SESN2: variants seen among roughly 807,000 people sequenced by gnomAD.
SESN2 encodes the protein sestrin 2, also known as sestrin-2.
Under a neutral mutation model 56.0 loss-of-function variants are expected in SESN2, and 42 were observed. The observed-to-expected ratio is 0.75, with a 90% CI of 0.59 to 0.97. SESN2 has a LOEUF of 0.97. SESN2 is among the 50% of genes least tolerant of loss of function. The probability of loss-of-function intolerance (pLI) is 0.00; values close to 1 mark genes in which losing one functional copy is unlikely to be tolerated. For missense variants in SESN2, 507 were observed against 649.4 expected (o/e 0.78, Z 2.38); for synonymous variants, 264 against 267.1 (o/e 0.99, Z 0.11).
intron 1 of SESN2, among the ~76,000 whole-genome samples, chr1:28,262,593 G>T (rs1306424278): frequency 3.6e-5 from 5 of 138,266 alleles, no homozygotes; most frequent in Non-Finnish European, 6.1e-5. Context: ...CTGCACTCCA[G>T]CCTGGGTGAC....
chr1:28,272,503 C>G (rs1347152687), intron 4 of SESN2, 37 bp downstream of exon 4: 3 of 1,609,444 alleles, frequency 1.9e-6, no homozygotes, highest in Middle Eastern at 1.6e-4. Context: ...TGAGGGAGCA[C>G]AGAGGCCTGG....
chr1:28,271,612 T>G, intron 2 of SESN2, 62 bp from the exon 3 acceptor site: 1 of 1,314,622 alleles, frequency 7.6e-7, no homozygotes, highest in Non-Finnish European at 1.1e-6. Context: ...GAAGAATACA[T>G]TGGTCTCTTT....
At chr1:28,260,523 C>T (rs1335011668) in intron 1 of SESN2, among the ~76,000 whole-genome samples, 1 of 152,006 alleles carries the variant, frequency 6.6e-6, no homozygotes, top group Non-Finnish European at 1.5e-5. Context: ...GCTCTGGGGG[C>T]TTGGCGGGCC....
intron 8 of SESN2, among the ~76,000 whole-genome samples, chr1:28,275,891 C>CA (rs1392727256): frequency 6.6e-6 from 1 of 151,990 alleles, no homozygotes; most frequent in Non-Finnish European, 1.5e-5. Context: ...CCCATCTCTA[C>CA]AAAAAATTAA....
Position 28,259,918 on chromosome 1 carries a change from G to A in SESN2, c.71G>A (p.Gly24Asp). 1 of 1,481,024 alleles carries A rather than the reference G, an allele frequency of 6.8e-7. No homozygotes were observed. Among genetic ancestry groups the A allele is most frequent in the Non-Finnish European group, 8.9e-7 (1 of 1,121,358 alleles). 91.7% of individuals were successfully genotyped at this position (1,481,024 alleles called of 1,614,324 possible). Residue 24 changes from glycine to aspartate, a missense_variant, in exon 1 of 10, where the codon GGC (glycine) becomes GAC (aspartate). Coordinates refer to ENST00000253063, the MANE Select transcript of SESN2 (RefSeq NM_031459.5). Reference protein sequence around the residue: ...DYLRFAPGGVGDSGPGEEQRE... With the variant: ...DYLRFAPGGVDDSGPGEEQRE... ...CTGCGGTTCGCCCCGGGCGGCGTCG[G>A]CGACTCGGGCCCCGGAGAGGTAAGC...
intron 1 of SESN2, among the ~76,000 whole-genome samples, chr1:28,261,802 A>G (rs1188193512): frequency 1.6e-5 from 2 of 128,766 alleles, no homozygotes; most frequent in African/African-American, 3.2e-5. Flanking sequence ...TTTTTTTGAG[A>G]TGGAGTCTTG....
At position 28,274,824 on chromosome 1, in the gene SESN2, G is replaced by A; in HGVS notation, c.1021-1G>A. On this transcript the variant is annotated splice_acceptor_variant, in intron 7 of 9. Coordinates refer to ENST00000253063, the MANE Select transcript of SESN2 (RefSeq NM_031459.5). LOFTEE classifies it high-confidence loss of function. ...CACCAATCCCTTCCCACCTACCTAAGGATTATACCTGGGAAGACCATGGCT... is the reference window on the plus strand; with the variant it reads ...CACCAATCCCTTCCCACCTACCTAAAGATTATACCTGGGAAGACCATGGCT... 1 of 1,610,404 alleles carries A rather than the reference G, an allele frequency of 6.2e-7. No individual in the cohort carries two copies. The highest frequency in any genetic ancestry group is 8.5e-7 in the Non-Finnish European group (1 of 1,177,452).
chr1:28,279,292 G>A (rs1359836427), intron 9 of SESN2, 51 bp downstream of exon 9: 4 of 1,605,664 alleles, frequency 2.5e-6, no homozygotes, highest in Admixed American at 1.7e-5. Flanking sequence ...CCAAGCCAGT[G>A]GAGAGGGCAA....
chr1:28,264,854 G>A (rs1444869389), intron 1 of SESN2, among the ~76,000 whole-genome samples: 1 of 152,218 alleles, frequency 6.6e-6, no homozygotes, highest in East Asian at 1.9e-4. Flanking sequence ...ACTAGATTCA[G>A]TGTGTGCCCC....
chr1:28,262,363 C>T (rs577566562), intron 1 of SESN2, among the ~76,000 whole-genome samples: 1 of 152,246 alleles, frequency 6.6e-6, no homozygotes, highest in South Asian at 2.1e-4. Flanking sequence ...ACTTTCTCGG[C>T]CAGATGCAGT....
In SESN2 at chr1:28,269,239, C is replaced by T. The variant is rs760639185; in HGVS notation, c.147C>T (p.Pro49=). 4.3e-5 allele frequency: 69 copies of T among 1,611,410 alleles called. 1 individual carries two copies. In the South Asian group the frequency reaches 6.3e-4, roughly 15 times the overall value. The change falls in exon 2 of 10, where the codon CCC becomes CCT. Residue 49 remains proline (P), a synonymous_variant. Coordinates refer to ENST00000253063, the MANE Select transcript of SESN2 (RefSeq NM_031459.5). ...RGPRGPSAFI[P]VEEVLREGAE... The stretch of plus-strand genomic sequence containing the variant: ...CTCGAGGGCCCAGCGCCTTCATCCC[C>T]GTGGAGGAGGTAAGCTTGGAAGGGG...
At chr1:28,260,312 G>A (rs1647329321) in intron 1 of SESN2, among the ~76,000 whole-genome samples, 1 of 152,084 alleles carries the variant, frequency 6.6e-6, no homozygotes, top group Non-Finnish European at 1.5e-5. Context: ...ATCCCGGCCG[G>A]AGCGGCCAGA....
At chr1:28,274,339 C>G (rs575302117) in intron 7 of SESN2, among the ~76,000 whole-genome samples, 181 bp downstream of exon 7, 1 of 152,178 alleles carries the variant, frequency 6.6e-6, no homozygotes, top group Non-Finnish European at 1.5e-5. Context: ...TGAGACTAGC[C>G]TGGGCAACAT....
Position 28,280,735 on chromosome 1 carries a change from T to C in SESN2, c.1376T>C (p.Leu459Pro), listed in dbSNP as rs1337080604. The change falls in exon 10 of 10, where the codon CTC becomes CCC. Residue 459 changes from leucine (L) to proline (P), a missense_variant. Physicochemically the swap from Leu to Pro is moderately conservative, Grantham distance 98. Coordinates refer to ENST00000253063, the MANE Select transcript of SESN2 (RefSeq NM_031459.5). ...HSEKVHVNLLLLEARMQAALL... is the reference protein window; with the variant it reads ...HSEKVHVNLLPLEARMQAALL... ...CCCCAGGTCCACGTGAACTTGCTGC[T>C]CCTGGAGGCGCGCATGCAAGCCGCT... is the stretch of plus-strand genomic sequence containing the variant. 6.2e-7 allele frequency: 1 copy of C among 1,613,320 alleles called. No individual in the cohort carries two copies.
intron 1 of SESN2, among the ~76,000 whole-genome samples, chr1:28,267,077 A>G (rs1207571553): frequency 2.0e-5 from 3 of 151,950 alleles, no homozygotes; most frequent in Admixed American, 6.6e-5. Context: ...GTGGCTTGCT[A>G]TTCTGTCCTC....
chr1:28,266,098 T>G (rs150482482), intron 1 of SESN2, among the ~76,000 whole-genome samples: 38 of 152,310 alleles, frequency 2.5e-4, no homozygotes, highest in African/African-American at 9.1e-4. Context: ...ATTTGTTGAG[T>G]GAACAAATTA....
intron 1 of SESN2, among the ~76,000 whole-genome samples, chr1:28,261,594 A>G (rs1166788069): frequency 6.6e-6 from 1 of 152,132 alleles, no homozygotes; most frequent in Non-Finnish European, 1.5e-5. Flanking sequence ...TGGCACGCAC[A>G]GCTTTCTCCA....
intron 1 of SESN2, among the ~76,000 whole-genome samples, chr1:28,263,607 G>A (rs1042468638): frequency 1.3e-5 from 2 of 152,096 alleles, no homozygotes; most frequent in Admixed American, 6.5e-5. Context: ...TAGGGTAACC[G>A]AGAATAAAGT....
At chr1:28,260,016 C>T (rs1255765366) in intron 1 of SESN2, 79 bp downstream of exon 1, 1 of 1,137,606 alleles carries the variant, frequency 8.8e-7, no homozygotes, top group South Asian at 1.5e-5. Flanking sequence ...GGAGCTGAGT[C>T]GGTGTGTCCT....
Sources: gnomAD v4.1 joint callset for allele counts (sites outside exome capture counted in the v4.1 genomes callset) on GRCh38, gnomAD v4.1.1 for gene constraint, MANE v1.5 for transcripts, NCBI Gene and HGNC (gene_info 2026-07-23, HGNC 2026-07-21) for gene names.